Variants in WWOX observed in about 807,000 individuals in gnomAD.
The protein encoded by WWOX is WW domain containing oxidoreductase.
In WWOX, 69 loss-of-function variants were observed where a neutral mutation model predicts 46.2. The observed-to-expected ratio is 1.49, with a 90% CI of 1.23 to 1.82. The LOEUF (loss-of-function observed/expected upper bound fraction) is 1.82, where lower values mean the gene tolerates loss of function less well. Ranked by LOEUF, WWOX falls within the 40% of genes most tolerant of loss-of-function variation. The probability of loss-of-function intolerance (pLI) is 0.00; values close to 1 mark genes in which losing one functional copy is unlikely to be tolerated. For synonymous variants in WWOX, 359 were observed against 202.6 expected, an observed-to-expected ratio of 1.77 and a Z score of -6.56; for missense variants, 919 against 542.6, an observed-to-expected ratio of 1.69 and a Z score of -6.89.
At chr16:78,485,854 A>G (rs558821758) in intron 8 of WWOX, among the ~76,000 whole-genome samples, 2 of 152,328 alleles carry the variant, frequency 1.3e-5, no homozygotes, top group African/African-American at 4.8e-5. Context: ...TGCGAGCCTT[A>G]TTCAGAATGT....
intron 8 of WWOX, among the ~76,000 whole-genome samples, chr16:78,642,797 C>G (rs532621946): frequency 1.3e-5 from 2 of 152,200 alleles, no homozygotes; most frequent in East Asian, 1.9e-4. Flanking sequence ...ATGACAGATG[C>G]AGGAAAAACA....
At chr16:78,417,986 A>G (rs1285882689) in intron 6 of WWOX, among the ~76,000 whole-genome samples, 3 of 152,226 alleles carry the variant, frequency 2.0e-5, no homozygotes, top group Non-Finnish European at 4.4e-5. Context: ...TAAGATTTGC[A>G]TGAATACTTC....
At chr16:78,828,558 A>G (rs972640119) in intron 8 of WWOX, among the ~76,000 whole-genome samples, 1 of 151,700 alleles carries the variant, frequency 6.6e-6, no homozygotes, top group Non-Finnish European at 1.5e-5. Context: ...TTAATTTATA[A>G]CTATATCATT....
At chr16:79,105,228 C>G (rs567939780) in intron 8 of WWOX, among the ~76,000 whole-genome samples, 54 of 152,212 alleles carry the variant, frequency 3.5e-4, no homozygotes, top group African/African-American at 1.3e-3. Flanking sequence ...CAGCAGTCTG[C>G]TATTGTTTTG....
intron 8 of WWOX, among the ~76,000 whole-genome samples, chr16:78,509,255 A>G (rs2085296355): frequency 6.6e-6 from 1 of 152,204 alleles, no homozygotes; most frequent in Non-Finnish European, 1.5e-5. Context: ...CCTGGCCAAC[A>G]TGGCAAAACC....
At chr16:78,278,564 C>T (rs749903809) in intron 5 of WWOX, 2 of 1,583,322 alleles carry the variant, frequency 1.3e-6, no homozygotes, top group African/African-American at 1.3e-5. Flanking sequence ...GTTCTCATAA[C>T]TTAATTTTAC....
At chr16:79,033,585 A>G (rs553985840) in intron 8 of WWOX, among the ~76,000 whole-genome samples, 193 of 152,200 alleles carry the variant, frequency 1.3e-3, no homozygotes, top group Admixed American at 3.1e-3. Context: ...CATGTTAACT[A>G]TTTTAAAGTG....
At chr16:78,608,600 C>T (rs1258800520) in intron 8 of WWOX, among the ~76,000 whole-genome samples, 1 of 152,168 alleles carries the variant, frequency 6.6e-6, no homozygotes, top group Non-Finnish European at 1.5e-5. Flanking sequence ...CTTCTGCAGA[C>T]CCATACTGTG....
chr16:79,080,008 C>A (rs34637423), intron 8 of WWOX, among the ~76,000 whole-genome samples: 3,220 of 152,258 alleles, frequency 0.021, 50 homozygotes, highest in Middle Eastern at 0.044. Flanking sequence ...TTATTTCTTA[C>A]GATACCACGC....
At chr16:78,576,322 T>G (rs1198514881) in intron 8 of WWOX, among the ~76,000 whole-genome samples, 1 of 152,204 alleles carries the variant, frequency 6.6e-6, no homozygotes, top group Admixed American at 6.5e-5. Context: ...TTTCTTTCTT[T>G]TATTCAAAAT....
intron 5 of WWOX, among the ~76,000 whole-genome samples, chr16:78,381,629 G>C (rs1031369890): frequency 2.0e-5 from 3 of 152,166 alleles, no homozygotes; most frequent in African/African-American, 4.8e-5. Flanking sequence ...GCTTGTACTG[G>C]TGTGATCAGA....
intron 8 of WWOX, among the ~76,000 whole-genome samples, chr16:79,035,800 C>G (rs1425837652): frequency 6.6e-6 from 1 of 152,134 alleles, no homozygotes; most frequent in East Asian, 1.9e-4. Flanking sequence ...AAGGCCAACC[C>G]CATTAGACGG....
At chr16:79,086,378 T>C (rs921131159) in intron 8 of WWOX, among the ~76,000 whole-genome samples, 6 of 152,214 alleles carry the variant, frequency 3.9e-5, no homozygotes, top group Admixed American at 3.9e-4. Flanking sequence ...AGCTTTGAGA[T>C]GAGAAAGCGT....
At chr16:78,834,665 C>G (rs1475075037) in intron 8 of WWOX, among the ~76,000 whole-genome samples, 1 of 152,124 alleles carries the variant, frequency 6.6e-6, no homozygotes, top group African/African-American at 2.4e-5. Flanking sequence ...GAACATTCCA[C>G]TGACTTCTTA....
intron 8 of WWOX, among the ~76,000 whole-genome samples, chr16:78,777,928 C>T (rs918916035): frequency 7.3e-5 from 11 of 151,408 alleles, no homozygotes; most frequent in African/African-American, 2.7e-4. Flanking sequence ...ACCTGTAGTT[C>T]CAACTGCTCA....
intron 8 of WWOX, among the ~76,000 whole-genome samples, chr16:78,968,033 T>A (rs1200433051): frequency 6.6e-6 from 1 of 152,134 alleles, no homozygotes; most frequent in African/African-American, 2.4e-5. Context: ...CCATTCCTTG[T>A]GGCACAGTGC....
intron 8 of WWOX, among the ~76,000 whole-genome samples, chr16:78,575,917 A>G (rs928030318): frequency 1.3e-5 from 2 of 152,224 alleles, no homozygotes; most frequent in Non-Finnish European, 2.9e-5. Context: ...TATATAAAAC[A>G]TGCTATATTA....
At chr16:78,841,575 T>C (rs909530712) in intron 8 of WWOX, among the ~76,000 whole-genome samples, 10 of 152,248 alleles carry the variant, frequency 6.6e-5, no homozygotes, top group African/African-American at 9.6e-5. Context: ...TATTAAAATA[T>C]ATGTAATGCT....
intron 8 of WWOX, among the ~76,000 whole-genome samples, chr16:78,514,992 G>T (rs2085455447): frequency 6.6e-6 from 1 of 152,126 alleles, no homozygotes; most frequent in Non-Finnish European, 1.5e-5. Context: ...GGCCGAGGCA[G>T]GTGGATCACC....
Sources: gnomAD v4.1 joint callset for allele counts (sites outside exome capture counted in the v4.1 genomes callset) on GRCh38, gnomAD v4.1.1 for gene constraint, MANE v1.5 for transcripts, NCBI Gene and HGNC (gene_info 2026-07-23, HGNC 2026-07-21) for gene names.